The following LRP1B variants were observed in gnomAD, a reference collection of about 807,000 sequenced individuals.
LRP1B encodes LDL receptor related protein 1B.
LRP1B carries 217 observed loss-of-function variants against 556.6 expected under a neutral mutation model. The observed-to-expected ratio is 0.39, with a 90% CI of 0.35 to 0.44. The LOEUF is 0.44. Ranked by LOEUF, LRP1B falls within the 20% of genes least tolerant of loss-of-function variation. The probability of loss-of-function intolerance (pLI) is 1.00; values close to 1 mark genes in which losing one functional copy is unlikely to be tolerated. For missense variants in LRP1B, 5,053 were observed against 5,620.8 expected, an observed-to-expected ratio of 0.90 and a Z score of 3.23; for synonymous variants, 2,047 against 1,865.8, an observed-to-expected ratio of 1.10 and a Z score of -2.50.
Position 141,810,186 on chromosome 2 carries a change from A to AAAGAAAGAAAG in LRP1B, c.205+92_205+93insCTTTCTTTCTT. ...GAAAGAAGGAAAGAAAGAAAGAAAG[A>AAAGAAAGAAAG]ATCATCTAGAACAGCAGTCATCTGT... On this transcript the variant is annotated intron_variant, in intron 2 of 90. Transcript: ENST00000389484. The AAAGAAAGAAAG allele has an allele frequency of 8.7e-6, 9 of 1,031,006 alleles. 1 individual carries two copies. The East Asian group carries it at 1.4e-4, about 16-fold the overall frequency. The allele number at this position is 1,031,006 out of a possible 1,614,324, so 63.9% of individuals were successfully genotyped here. A position where few individuals can be genotyped will look rare whatever the true frequency, so the allele number is the denominator to read the frequency against.
intron 2 of LRP1B, among the ~76,000 whole-genome samples, chr2:141,721,750 A>G (rs1422143802): frequency 1.3e-5 from 2 of 152,182 alleles, no homozygotes; most frequent in Admixed American, 6.5e-5. Context: ...CTGATCTGAG[A>G]TTACCAAGTT....
chr2:140,746,087 A>C (rs914215862), intron 35 of LRP1B, among the ~76,000 whole-genome samples: 11 of 152,118 alleles, frequency 7.2e-5, no homozygotes, highest in African/African-American at 2.2e-4. Context: ...AGTGTGCACA[A>C]TATGGGAAGT....
chr2:141,329,251 G>T (rs971889655), intron 3 of LRP1B, among the ~76,000 whole-genome samples: 1 of 151,554 alleles, frequency 6.6e-6, no homozygotes, highest in Non-Finnish European at 1.5e-5. Context: ...AGCTGGGTAT[G>T]GTGGCAGGCT....
intron 3 of LRP1B, among the ~76,000 whole-genome samples, chr2:141,315,784 T>G (rs76744347): frequency 0.12 from 18,249 of 151,500 alleles, 1,422 homozygotes; most frequent in African/African-American, 0.21. Context: ...TCAGAATTTT[T>G]TTTTGTTTTG....
intron 1 of LRP1B, among the ~76,000 whole-genome samples, chr2:142,117,626 T>A (rs1015379451): frequency 3.3e-4 from 50 of 150,906 alleles, no homozygotes; most frequent in African/African-American, 1.1e-3. Flanking sequence ...TGTGTGTGTG[T>A]GAGAGAGAGA....
chr2:141,568,752 C>T (rs1686424829), intron 2 of LRP1B, among the ~76,000 whole-genome samples: 1 of 150,866 alleles, frequency 6.6e-6, no homozygotes, highest in South Asian at 2.1e-4. Context: ...ATTTCATATT[C>T]ATTAGTTTAG....
intron 1 of LRP1B, among the ~76,000 whole-genome samples, chr2:141,859,972 G>T (rs373816630): frequency 6.6e-6 from 1 of 152,064 alleles, no homozygotes; most frequent in Non-Finnish European, 1.5e-5. Flanking sequence ...TGGCAAGCAG[G>T]CTTGTGTTTC....
chr2:141,627,347 A>C, intron 2 of LRP1B, among the ~76,000 whole-genome samples: 1 of 152,232 alleles, frequency 6.6e-6, no homozygotes, highest in Middle Eastern at 3.2e-3. Flanking sequence ...GCTACTCTAT[A>C]ATATCACAGT....
intron 1 of LRP1B, among the ~76,000 whole-genome samples, chr2:141,909,542 T>A (rs1188000975): frequency 4.2e-5 from 2 of 47,464 alleles, no homozygotes; most frequent in South Asian, 1.0e-3. Flanking sequence ...TTTTTTTTTT[T>A]TTTTTTTTTT....
intron 7 of LRP1B, among the ~76,000 whole-genome samples, chr2:141,182,869 G>C (rs1243517877): frequency 6.6e-6 from 1 of 151,852 alleles, no homozygotes; most frequent in Non-Finnish European, 1.5e-5. Flanking sequence ...TCCTTAAAAA[G>C]CTAGGACTCA....
At chr2:141,690,309 C>T (rs1691468245) in intron 2 of LRP1B, among the ~76,000 whole-genome samples, 1 of 147,898 alleles carries the variant, frequency 6.8e-6, no homozygotes, top group Non-Finnish European at 1.5e-5. Context: ...TTAGTACATG[C>T]TGTGGTACAG....
At chr2:141,852,906 A>G (rs1697913710) in intron 1 of LRP1B, among the ~76,000 whole-genome samples, 1 of 151,676 alleles carries the variant, frequency 6.6e-6, no homozygotes, top group African/African-American at 2.4e-5. Flanking sequence ...AAAAAAAGAA[A>G]TGAAAAAAAC....
chr2:140,549,066 A>T (rs866612388), intron 43 of LRP1B, among the ~76,000 whole-genome samples: 3 of 152,184 alleles, frequency 2.0e-5, no homozygotes, highest in Non-Finnish European at 4.4e-5. Context: ...CCATATGAGC[A>T]ATCACTTCCA....
intron 11 of LRP1B, among the ~76,000 whole-genome samples, chr2:141,026,114 A>G (rs937898403): frequency 1.3e-5 from 2 of 152,074 alleles, no homozygotes; most frequent in Non-Finnish European, 2.9e-5. Context: ...TTTGGAACAC[A>G]ATATATCACA....
At chr2:141,149,197 T>G (rs1290820933) in intron 7 of LRP1B, among the ~76,000 whole-genome samples, 1 of 152,062 alleles carries the variant, frequency 6.6e-6, no homozygotes, top group African/African-American at 2.4e-5. Flanking sequence ...TTTTTTTTGT[T>G]TTGTTTTGTT....
At chr2:140,679,218 C>T (rs1012337264) in intron 41 of LRP1B, among the ~76,000 whole-genome samples, 1 of 152,306 alleles carries the variant, frequency 6.6e-6, no homozygotes, top group East Asian at 1.9e-4. Flanking sequence ...ATTATGACCT[C>T]ATTTTACCTT....
At chr2:140,277,995 A>G (rs1682753861) in intron 84 of LRP1B, among the ~76,000 whole-genome samples, 1 of 149,502 alleles carries the variant, frequency 6.7e-6, no homozygotes, top group Non-Finnish European at 1.5e-5. Flanking sequence ...CCAAGAATGG[A>G]TAAACTATGT....
chr2:140,597,574 A>G (rs931262336), intron 43 of LRP1B, among the ~76,000 whole-genome samples: 1 of 152,202 alleles, frequency 6.6e-6, no homozygotes, highest in African/African-American at 2.4e-5. Context: ...GAAAATTTGC[A>G]TGTCAGAAAT....
chr2:141,178,957 C>G (rs1280173704), intron 7 of LRP1B, among the ~76,000 whole-genome samples: 1 of 151,996 alleles, frequency 6.6e-6, no homozygotes, highest in African/African-American at 2.4e-5. Flanking sequence ...AAATTCTAGA[C>G]TTTATAAAAG....
Sources: gnomAD v4.1 joint callset for allele counts (sites outside exome capture counted in the v4.1 genomes callset) on GRCh38, gnomAD v4.1.1 for gene constraint, MANE v1.5 for transcripts, NCBI Gene and HGNC (gene_info 2026-07-23, HGNC 2026-07-21) for gene names.